The following PLEKHA2 variants were observed in gnomAD, a reference collection of about 807,000 sequenced individuals.
The protein encoded by PLEKHA2 is pleckstrin homology domain-containing family A member 2.
A neutral mutation model predicts 53.2 loss-of-function variants in PLEKHA2; 28 were observed. The ratio of observed to expected loss-of-function variants is 0.53; its 90% confidence interval spans 0.39 to 0.72. The LOEUF (loss-of-function observed/expected upper bound fraction) is 0.72. Ranked by LOEUF, PLEKHA2 falls within the 30% of genes least tolerant of loss-of-function variation. The probability of loss-of-function intolerance (pLI) is 0.00; values close to 1 mark genes in which losing one functional copy is unlikely to be tolerated. For synonymous variants in PLEKHA2, 193 were observed against 196.4 expected (o/e 0.98, Z 0.14); for missense variants, 426 against 537.9 (o/e 0.79, Z 2.06).
intron 3 of PLEKHA2, among the ~76,000 whole-genome samples, chr8:38,938,015 GAT>G (rs1834528807): frequency 6.6e-6 from 1 of 152,204 alleles, no homozygotes; most frequent in Non-Finnish European, 1.5e-5. Context: ...TGAAAGTGAT[GAT>G]TGGATGTCAT....
chr8:38,917,786 G>T, intron 1 of PLEKHA2, 121 bp from the exon 2 acceptor site: 5 of 1,122,506 alleles, frequency 4.5e-6, no homozygotes, highest in South Asian at 1.6e-5. Context: ...TGGAACATTT[G>T]GTGCCCCCAC....
chr8:38,943,804 C>T lies in PLEKHA2; in HGVS notation c.214C>T (p.Pro72Ser). 1 of 1,578,238 alleles carries T rather than the reference C, an allele frequency of 6.3e-7. No individual in the cohort carries two copies. Among genetic ancestry groups the T allele is most frequent in the Non-Finnish European group, 8.6e-7 (1 of 1,161,408 alleles). ...TYISKVSIATPKQKPKTPFCF... is the reference protein window; with the variant it reads ...TYISKVSIATSKQKPKTPFCF... ...TTTGATTTAGGTGAGCATAGCTACC[C>T]CAAAACAGAAACCAAAAACTCCATT... Residue 72 changes from proline (P) to serine (S), a missense_variant, in exon 4 of 12, where the codon CCA (proline) becomes TCA (serine). Transcript: ENST00000617275.
chr8:38,901,566 G>T (rs1449537848), intron 1 of PLEKHA2, 121 bp downstream of exon 1: 1 of 152,246 alleles, frequency 6.6e-6, no homozygotes, highest in African/African-American at 2.4e-5. Context: ...GGGCGCGAGG[G>T]GCGCGCGCGC....
rs1023765656 is a variant in PLEKHA2 at position 38,971,039 on chromosome 8, AAG to A, written c.*1260_*1261del. 5.9e-5 allele frequency: 9 copies of A among 152,244 alleles called. No homozygotes were observed. The highest frequency in any genetic ancestry group is 4.4e-5 in the Non-Finnish European group (3 of 68,048). The allele number at this position is 152,244 out of a possible 1,614,324, so 9.4% of individuals were successfully genotyped here. A position where few individuals can be genotyped will look rare whatever the true frequency, so the allele number is the denominator to read the frequency against. ...AAATTAGTAACTAGAGGAAGAGACT[AAG>A]AGAACTATTTTTACCTGAGTAAATG... On this transcript the variant is annotated 3_prime_UTR_variant, in exon 12 of 12. Transcript: ENST00000617275.
In PLEKHA2 at chr8:38,922,791, A is replaced by G. The variant is rs923370445; in HGVS notation, c.141+4721A>G. Among the ~76,000 whole-genome samples, 19 of 152,294 alleles carry G rather than the reference A, an allele frequency of 1.2e-4. No individual in the cohort carries two copies. The highest frequency in any genetic ancestry group is 5.9e-5 in the Non-Finnish European group (4 of 68,020). On this transcript the variant is annotated intron_variant, in intron 2 of 11. Coordinates refer to ENST00000617275, the MANE Select transcript of PLEKHA2 (RefSeq NM_021623.2). The surrounding 1 kb of genome is among the most constrained non-coding windows in gnomAD (Gnocchi z 4.0). ...CAGCTATGGTGTGAAATGCTTTTAC[A>G]TGTGTTACCCCATGGAACCTCTCCA...
At chr8:38,912,026 C>T (rs1011523841) in intron 1 of PLEKHA2, among the ~76,000 whole-genome samples, 2 of 151,616 alleles carry the variant, frequency 1.3e-5, no homozygotes, top group African/African-American at 4.9e-5. Flanking sequence ...TTTGGCTGGG[C>T]GTAGTGGCTC....
intron 1 of PLEKHA2, among the ~76,000 whole-genome samples, chr8:38,912,309 A>T (rs1234385747): frequency 1.3e-5 from 2 of 152,252 alleles, no homozygotes; most frequent in Non-Finnish European, 2.9e-5. Context: ...TGTCTCAAAA[A>T]ACAAAACAAA....
intron 1 of PLEKHA2, among the ~76,000 whole-genome samples, chr8:38,914,359 C>T (rs1564105348): frequency 6.6e-6 from 1 of 152,270 alleles, no homozygotes; most frequent in African/African-American, 2.4e-5. Flanking sequence ...ACATGCCACA[C>T]CACCAGTCGC....
intron 10 of PLEKHA2, among the ~76,000 whole-genome samples, chr8:38,964,477 G>A (rs895236641): frequency 6.6e-6 from 1 of 152,170 alleles, no homozygotes; most frequent in African/African-American, 2.4e-5. Flanking sequence ...TGTAATGCCT[G>A]ATGATCTGAG....
At chr8:38,951,088 GGTGGGA>G (rs1834829131) in intron 6 of PLEKHA2, 98 bp downstream of exon 6, 4 of 949,254 alleles carry the variant, frequency 4.2e-6, no homozygotes, top group Non-Finnish European at 4.5e-6. Context: ...GGAAAAGGAG[GGTGGGA>G]GTGGGGGGCA....
intron 1 of PLEKHA2, among the ~76,000 whole-genome samples, chr8:38,911,108 T>C (rs1833947199): frequency 1.3e-5 from 2 of 152,330 alleles, no homozygotes; most frequent in African/African-American, 2.4e-5. Flanking sequence ...ACAAATACCC[T>C]GTGTGCTTTG....
rs770948381 is a variant in PLEKHA2, at chr8:38,973,811, T to C, written c.*4028T>C. 3.8e-5 allele frequency: 8 copies of C among 209,632 alleles called. No homozygotes were observed. Among genetic ancestry groups the C allele is most frequent in the Non-Finnish European group, 5.7e-5 (6 of 105,726 alleles). The allele number at this position is 209,632 out of a possible 1,614,324, so 13.0% of individuals were successfully genotyped here. A position where few individuals can be genotyped will look rare whatever the true frequency, so the allele number is the denominator to read the frequency against. On this transcript the variant is annotated 3_prime_UTR_variant, in exon 12 of 12. Transcript: ENST00000617275. The stretch of plus-strand genomic sequence containing the variant: ...TCTAGGCTGAGTGCATGGAAACTGT[T>C]ACGCTTCTCATTTTATGTGATCTCC...
At chr8:38,918,466 TG>T (rs1834106764) in intron 2 of PLEKHA2, among the ~76,000 whole-genome samples, 1 of 16,106 alleles carries the variant, frequency 6.2e-5, no homozygotes, top group Non-Finnish European at 1.2e-4. Context: ...CATACACACA[TG>T]CACACACGAC....
intron 3 of PLEKHA2, among the ~76,000 whole-genome samples, chr8:38,941,656 G>A (rs571482834): frequency 6.6e-6 from 1 of 152,298 alleles, no homozygotes; most frequent in South Asian, 2.1e-4. Context: ...TGTGGAGTGA[G>A]GCTTTAAAGG....
intron 3 of PLEKHA2, among the ~76,000 whole-genome samples, chr8:38,936,504 C>T (rs1447932333): frequency 6.6e-6 from 1 of 152,218 alleles, no homozygotes; most frequent in African/African-American, 2.4e-5. Context: ...GTCACCTGGA[C>T]AGGATTACTG....
At chr8:38,910,744 CT>C (rs1400701397) in intron 1 of PLEKHA2, among the ~76,000 whole-genome samples, 1 of 152,042 alleles carries the variant, frequency 6.6e-6, no homozygotes, top group Non-Finnish European at 1.5e-5. Flanking sequence ...AAATTTTAGC[CT>C]TATGTATAAC....
chr8:38,957,979 C>T (rs1311188256), intron 10 of PLEKHA2, among the ~76,000 whole-genome samples: 1 of 152,196 alleles, frequency 6.6e-6, no homozygotes, highest in Non-Finnish European at 1.5e-5. Flanking sequence ...TAGCAGTGCA[C>T]AGAGAGTGCC....
chr8:38,920,212 G>A (rs1047490721), intron 2 of PLEKHA2, among the ~76,000 whole-genome samples: 1 of 151,758 alleles, frequency 6.6e-6, no homozygotes, highest in East Asian at 1.9e-4. Flanking sequence ...GTGCAGTGGC[G>A]CGATCTCGGC....
intron 3 of PLEKHA2, among the ~76,000 whole-genome samples, chr8:38,941,360 A>G (rs1834609891): frequency 1.3e-5 from 2 of 152,196 alleles, no homozygotes; most frequent in South Asian, 4.1e-4. Flanking sequence ...CCGGCCTGGT[A>G]CCAATTATTT....
Sources: gnomAD v4.1 joint callset for allele counts (sites outside exome capture counted in the v4.1 genomes callset) on GRCh38, gnomAD v4.1.1 for gene constraint, Gnocchi (gnomAD v3.1) non-coding constraint, MANE v1.5 for transcripts, NCBI Gene and HGNC (gene_info 2026-07-23, HGNC 2026-07-21) for gene names.